The following SLC6A12 variants were observed in gnomAD, a reference collection of about 807,000 sequenced individuals.
The protein encoded by SLC6A12 is sodium- and chloride-dependent betaine transporter.
A neutral mutation model predicts 73.3 loss-of-function variants in SLC6A12; 50 were observed. The observed-to-expected ratio is 0.68, with a 90% confidence interval of 0.54 to 0.86. The LOEUF (loss-of-function observed/expected upper bound fraction) is 0.86, where lower values mean the gene tolerates loss of function less well. Among genes scored for constraint, SLC6A12 ranks in the 40% least tolerant of loss-of-function variants. SLC6A12 has a pLI of 0.00. For missense variants in SLC6A12, 648 were observed against 772.8 expected (o/e 0.84, Z 1.92); for synonymous variants, 304 against 309.2 (o/e 0.98, Z 0.18).
chr12:200,569 C>T (rs1940201649), intron 7 of SLC6A12, 82 bp downstream of exon 7: 2 of 1,438,160 alleles, frequency 1.4e-6, no homozygotes, highest in Non-Finnish European at 1.9e-6. Flanking sequence ...AGAAAGAAAT[C>T]AGTTCTCCAG....
intron 13 of SLC6A12, among the ~76,000 whole-genome samples, chr12:193,762 A>T (rs1219815328): frequency 2.6e-5 from 4 of 152,220 alleles, no homozygotes; most frequent in Admixed American, 2.6e-4. Context: ...AAAACAGCAA[A>T]ACAACAAGGC....
At chr12:206,654 A>G (rs534428294) in intron 3 of SLC6A12, among the ~76,000 whole-genome samples, 1 of 152,350 alleles carries the variant, frequency 6.6e-6, no homozygotes, top group South Asian at 2.1e-4. Context: ...GTAACTCTCC[A>G]CTGAGTTCCA....
chr12:208,306 G>C (rs1940750281), intron 3 of SLC6A12, among the ~76,000 whole-genome samples: 1 of 152,164 alleles, frequency 6.6e-6, no homozygotes, highest in South Asian at 2.1e-4. Context: ...GACTGAGCCA[G>C]CCCAAGAAAG....
At chr12:199,397 G>GC (rs974660628) in intron 7 of SLC6A12, among the ~76,000 whole-genome samples, 6 of 152,136 alleles carry the variant, frequency 3.9e-5, no homozygotes, top group Non-Finnish European at 8.8e-5. Flanking sequence ...TTCTCTCCTT[G>GC]CCCCCTGGCG....
At chr12:186,819 C>T (rs1433737405), downstream of SLC6A12, among the ~76,000 whole-genome samples, 1 of 152,188 alleles carries the variant, frequency 6.6e-6, no homozygotes, top group Non-Finnish European at 1.5e-5. Context: ...AGACTTGACC[C>T]AGGATTCATG....
At chr12:200,171 C>G (rs935142514) in intron 7 of SLC6A12, among the ~76,000 whole-genome samples, 1 of 140,994 alleles carries the variant, frequency 7.1e-6, no homozygotes, top group African/African-American at 2.7e-5. Context: ...TGCAGTGGCG[C>G]TATCTCGGCT....
the SLC6A12 span, among the ~76,000 whole-genome samples, chr12:184,111 A>C: frequency 6.6e-6 from 1 of 152,244 alleles, no homozygotes; most frequent in Non-Finnish European, 1.5e-5. Flanking sequence ...AATATGCCAT[A>C]ACCAAGTAGG....
intron 15 of SLC6A12, among the ~76,000 whole-genome samples, 174 bp from the exon 16 acceptor site, chr12:191,385 A>C (rs1939591514): frequency 6.6e-6 from 1 of 152,228 alleles, no homozygotes; most frequent in African/African-American, 2.4e-5. Context: ...CAATACCGTG[A>C]CTACGAATGA....
At position 214,076 on chromosome 12, in the gene SLC6A12, C is replaced by T. The variant is rs574195866; in HGVS notation, c.-297G>A. On this transcript the variant is annotated 5_prime_UTR_variant, in exon 1 of 16. Transcript: ENST00000684302. This position sits in a 1 kb window ranked among gnomAD's most constrained non-coding sequence, Gnocchi z 4.2. ...TCACGCCTTACCCTGTTCCTCCCAGCGCAGAATCCCATGTGACTTGTCCAG... is the reference window on the plus strand; with the variant it reads ...TCACGCCTTACCCTGTTCCTCCCAGTGCAGAATCCCATGTGACTTGTCCAG... 9 of 152,612 alleles carry T rather than the reference C, an allele frequency of 5.9e-5. No individual in the cohort carries two copies. The highest frequency in any genetic ancestry group is 1.9e-4 in the African/African-American group (8 of 41,572). The allele number at this position is 152,612 out of a possible 1,614,324, so 9.5% of individuals were successfully genotyped here. A position where few individuals can be genotyped will look rare whatever the true frequency, so the allele number is the denominator to read the frequency against.
intron 15 of SLC6A12, among the ~76,000 whole-genome samples, chr12:191,796 A>T (rs759932532): frequency 1.3e-5 from 2 of 152,150 alleles, no homozygotes; most frequent in African/African-American, 2.4e-5. Flanking sequence ...CATGCCCAGG[A>T]TGGAAGTGTA....
chr12:202,003 T>C (rs542790544), intron 5 of SLC6A12, among the ~76,000 whole-genome samples, 154 bp from the exon 6 acceptor site: 10 of 152,308 alleles, frequency 6.6e-5, no homozygotes, highest in African/African-American at 2.2e-4. Context: ...AGGAGGCTCA[T>C]AGGGCCAGCT....
At chr12:192,452 A>AG in intron 15 of SLC6A12, 26 bp downstream of exon 15, 1 of 1,609,930 alleles carries the variant, frequency 6.2e-7, no homozygotes, top group Non-Finnish European at 8.5e-7. Context: ...CTCCTTTAAG[A>AG]GGTCACTCTC....
At chr12:189,053 G>C (rs893431405), downstream of SLC6A12, among the ~76,000 whole-genome samples, 15 of 152,348 alleles carry the variant, frequency 9.8e-5, no homozygotes, top group African/African-American at 3.4e-4. Flanking sequence ...GAATCTGAAA[G>C]AGGGCTGTGC....
chr12:208,410 C>T (rs76781663), intron 3 of SLC6A12, among the ~76,000 whole-genome samples: 2,566 of 152,216 alleles, frequency 0.017, 65 homozygotes, highest in South Asian at 0.11. Flanking sequence ...GTAGACCCTC[C>T]GTAAATATTG....
At chr12:199,151 G>T in intron 7 of SLC6A12, 2 of 425,888 alleles carry the variant, frequency 4.7e-6, no homozygotes. Flanking sequence ...GGGAGGGTGG[G>T]GAGGGGAGGA....
chr12:200,551 T>G, intron 7 of SLC6A12, 100 bp downstream of exon 7: 1 of 1,337,296 alleles, frequency 7.5e-7, no homozygotes, highest in South Asian at 1.4e-5. Flanking sequence ...GAAGTGTAGT[T>G]TCTTAATAGA....
rs1451256323 is a variant in SLC6A12 at position 195,229 on chromosome 12, C to T, written c.1425G>A (p.Val475=). ...ACCCCACTCCACCCCACTCACCATA[C>T]ACCCAGCTTATGCAGACCACTTCAA... ...SLFEVVCISW[V]YGADRFYDNI... The change falls in exon 13 of 16, where the codon GTG becomes GTA. Residue 475 remains valine (V), a synonymous_variant. Coordinates refer to ENST00000684302, the MANE Select transcript of SLC6A12 (RefSeq NM_001122848.3). The T allele has an allele frequency of 6.6e-7, 1 of 1,508,436 alleles. No individual in the cohort carries two copies. Among genetic ancestry groups the T allele is most frequent in the Non-Finnish European group, 9.2e-7 (1 of 1,087,126 alleles). 93.4% of individuals were successfully genotyped at this position (1,508,436 alleles called of 1,614,324 possible).
intron 3 of SLC6A12, 70 bp from the exon 4 acceptor site, chr12:204,768 T>G: frequency 6.4e-7 from 1 of 1,565,098 alleles, no homozygotes; most frequent in Non-Finnish European, 8.7e-7. Context: ...TTTCAGACCC[T>G]CCTCCCCCAA....
intron 11 of SLC6A12, 107 bp downstream of exon 11, chr12:196,663 C>A: frequency 1.2e-6 from 1 of 809,400 alleles, no homozygotes; most frequent in Non-Finnish European, 2.1e-6. Context: ...GAGGGGGCCT[C>A]AGGTGTGTGG....
Sources: allele counts gnomAD v4.1 joint callset (sites outside exome capture counted in the v4.1 genomes callset), GRCh38; gene constraint gnomAD v4.1.1; non-coding constraint Gnocchi (gnomAD v3.1); transcripts MANE v1.5; gene names NCBI Gene and HGNC (gene_info 2026-07-23, HGNC 2026-07-21).